DIRAS2: variants seen among roughly 807,000 people sequenced by gnomAD.
DIRAS2 encodes the protein DIRAS family GTPase 2, also known as GTP-binding protein Di-Ras2.
Under a neutral mutation model 13.9 loss-of-function variants are expected in DIRAS2, and 5 were observed. The observed-to-expected ratio is 0.36, with a 90% CI of 0.19 to 0.76. The LOEUF (loss-of-function observed/expected upper bound fraction) is 0.76, where lower values mean the gene tolerates loss of function less well. DIRAS2 is among the 30% of genes least tolerant of loss of function. The pLI is 0.53. For synonymous variants in DIRAS2, 111 were observed against 105.4 expected, an observed-to-expected ratio of 1.05 and a Z score of -0.33; for missense variants, 191 against 263.0, an observed-to-expected ratio of 0.73 and a Z score of 1.89.
At chr9:90,619,142 C>T (rs1825195921) in intron 1 of DIRAS2, among the ~76,000 whole-genome samples, 1 of 151,784 alleles carries the variant, frequency 6.6e-6, no homozygotes, top group Non-Finnish European at 1.5e-5. Flanking sequence ...TGACTCATCT[C>T]AAAAAACAAA....
intron 1 of DIRAS2, among the ~76,000 whole-genome samples, chr9:90,621,741 C>T (rs1564019815): frequency 6.6e-6 from 1 of 152,138 alleles, no homozygotes; most frequent in Admixed American, 6.6e-5. Context: ...TTAAATCAGG[C>T]ACTTATTGTT....
intron 1 of DIRAS2, among the ~76,000 whole-genome samples, chr9:90,631,443 G>A (rs1162584094): frequency 2.0e-5 from 3 of 152,156 alleles, no homozygotes; most frequent in African/African-American, 7.2e-5. Context: ...GATACGGTGG[G>A]ACCTCCATTG....
Position 90,610,149 on chromosome 9 carries a change from A to T in DIRAS2, c.*3079T>A, listed in dbSNP as rs1017501111. The T allele has an allele frequency of 3.2e-6, 1 of 316,266 alleles. No individual in the cohort carries two copies. Among genetic ancestry groups the T allele is most frequent in the Non-Finnish European group, 5.7e-6 (1 of 176,782 alleles). 19.6% of individuals were successfully genotyped at this position (316,266 alleles called of 1,614,324 possible). A position where few individuals can be genotyped will look rare whatever the true frequency, so the allele number is the denominator to read the frequency against. On this transcript the variant is annotated 3_prime_UTR_variant, in exon 2 of 2. Coordinates refer to ENST00000375765, the MANE Select transcript of DIRAS2 (RefSeq NM_017594.5). ...TCCAGAGAACTTATGTAGAAGCAAC[A>T]CATTACAAATTTTGGGGAAAAAAAT... is the stretch of plus-strand genomic sequence containing the variant.
At chr9:90,638,771 G>A (rs548437525) in intron 1 of DIRAS2, among the ~76,000 whole-genome samples, 1 of 152,106 alleles carries the variant, frequency 6.6e-6, no homozygotes, top group African/African-American at 2.4e-5. Flanking sequence ...AGAGAGCTGA[G>A]TGGACTCCAC....
chr9:90,619,186 T>A (rs1825196357), intron 1 of DIRAS2, among the ~76,000 whole-genome samples: 1 of 152,048 alleles, frequency 6.6e-6, no homozygotes, highest in Non-Finnish European at 1.5e-5. Context: ...ATGCCAGTAA[T>A]CCCAGCATAT....
rs1284386822 is a variant in DIRAS2, at chr9:90,612,089, C to G, written c.*1139G>C. ...TGTATTGAACAGCTCTTAGAAGACA[C>G]GTATAATGGAACATGCAAGAGAATT... On this transcript the variant is annotated 3_prime_UTR_variant, in exon 2 of 2. Transcript: ENST00000375765. 2 of 152,742 alleles carry G rather than the reference C, an allele frequency of 1.3e-5. No homozygotes were observed. Among genetic ancestry groups the G allele is most frequent in the East Asian group, 3.9e-4 (2 of 5,188 alleles). The allele number at this position is 152,742 out of a possible 1,614,324, so 9.5% of individuals were successfully genotyped here. A position where few individuals can be genotyped will look rare whatever the true frequency, so the allele number is the denominator to read the frequency against.
intron 1 of DIRAS2, among the ~76,000 whole-genome samples, chr9:90,622,341 A>C (rs1361809585): frequency 6.6e-6 from 1 of 152,208 alleles, no homozygotes; most frequent in Non-Finnish European, 1.5e-5. Flanking sequence ...ACTATTTTTC[A>C]CTGCAGGAGT....
In DIRAS2 at chr9:90,611,970, C is replaced by T. The variant is rs1376680518; in HGVS notation, c.*1258G>A. 6.6e-6 allele frequency: 1 copy of T among 152,196 alleles called. No homozygotes were observed. Among genetic ancestry groups the T allele is most frequent in the South Asian group, 2.1e-4 (1 of 4,828 alleles). 9.4% of individuals were successfully genotyped at this position (152,196 alleles called of 1,614,324 possible). ...CCACCATCCTATCCCCAAGCTAACA[C>T]AGGAAACCTGAAATAGCTGTAATTT... On this transcript the variant is annotated 3_prime_UTR_variant, in exon 2 of 2. Transcript: ENST00000375765.
chr9:90,636,784 T>G (rs953192636), intron 1 of DIRAS2, among the ~76,000 whole-genome samples: 3 of 152,236 alleles, frequency 2.0e-5, no homozygotes, highest in Non-Finnish European at 4.4e-5. Context: ...TACATGGAAG[T>G]ATGGTATACA....
chr9:90,626,855 A>C (rs62556817), intron 1 of DIRAS2, among the ~76,000 whole-genome samples: 7,362 of 152,232 alleles, frequency 0.048, 239 homozygotes, highest in Non-Finnish European at 0.071. Flanking sequence ...AAGCAACCCA[A>C]ATGTCCATAG....
chr9:90,617,757 A>T (rs989348187), intron 1 of DIRAS2, among the ~76,000 whole-genome samples: 2 of 152,242 alleles, frequency 1.3e-5, no homozygotes. Context: ...CATATAAAGA[A>T]CCAACTGTAT....
chr9:90,613,327 G>T lies in DIRAS2; in HGVS notation c.501C>A (p.Asn167Lys), dbSNP rs1489148682. ...NVKELFQELL[N>K]LEKRRTVSLQ... is the part of the protein sequence containing the mutation. Reference sequence around the variant, plus strand: ...GACTCACGGTCCTGCGCTTCTCCAGGTTGAGCAGCTCCTGGAAAAGCTCCT... The same window carrying T: ...GACTCACGGTCCTGCGCTTCTCCAGTTTGAGCAGCTCCTGGAAAAGCTCCT... Residue 167 changes from asparagine to lysine, a missense_variant, in exon 2 of 2, where the codon AAC becomes AAA. By Grantham distance (94) the Asn-to-Lys change is moderately conservative. Transcript: ENST00000375765. This position sits in a 1 kb window ranked among gnomAD's most constrained non-coding sequence, Gnocchi z 5.6. The T allele has an allele frequency of 1.2e-6, 2 of 1,613,998 alleles. No individual in the cohort carries two copies. The highest frequency in any genetic ancestry group is 3.3e-5 in the Admixed American group (2 of 60,000).
At chr9:90,642,513 G>T (rs1825427505) in intron 1 of DIRAS2, among the ~76,000 whole-genome samples, 1 of 152,056 alleles carries the variant, frequency 6.6e-6, no homozygotes, top group South Asian at 2.1e-4. Context: ...CTAATAATAC[G>T]TAAGATACAG....
chr9:90,613,834 G>A lies in DIRAS2; in HGVS notation c.-7C>T, dbSNP rs754075942. ...CGTTACTCTGCTCAGGCATGTTGCT[G>A]GAGAGCTCCAACTCTCAGCCAGGAC... On this transcript the variant is annotated 5_prime_UTR_variant, in exon 2 of 2. Transcript: ENST00000375765. The surrounding 1 kb of genome is among the most constrained non-coding windows in gnomAD (Gnocchi z 5.6). 3.1e-6 allele frequency: 5 copies of A among 1,605,520 alleles called. No individual in the cohort carries two copies. The highest frequency in any genetic ancestry group is 4.5e-5 in the East Asian group (2 of 44,760).
At chr9:90,622,276 T>TA (rs1564019920) in intron 1 of DIRAS2, among the ~76,000 whole-genome samples, 7 of 151,414 alleles carry the variant, frequency 4.6e-5, no homozygotes, top group Admixed American at 1.3e-4. Context: ...ATACATACAT[T>TA]CATACATACA....
chr9:90,641,146 C>T (rs890958445), intron 1 of DIRAS2, among the ~76,000 whole-genome samples: 1 of 152,200 alleles, frequency 6.6e-6, no homozygotes, highest in South Asian at 2.1e-4. Flanking sequence ...CATGAGGAAA[C>T]TGCTTTGCTG....
chr9:90,622,335 T>C (rs887438800), intron 1 of DIRAS2, among the ~76,000 whole-genome samples: 3 of 152,176 alleles, frequency 2.0e-5, no homozygotes, highest in Non-Finnish European at 4.4e-5. Context: ...TCTGTAACTA[T>C]TTTTCACTGC....
chr9:90,640,746 T>C (rs890852744), intron 1 of DIRAS2, among the ~76,000 whole-genome samples: 1 of 152,196 alleles, frequency 6.6e-6, no homozygotes, highest in East Asian at 1.9e-4. Flanking sequence ...CAAACACTTT[T>C]TTTACTTAAA....
intron 1 of DIRAS2, among the ~76,000 whole-genome samples, chr9:90,633,126 C>T (rs1033154671): frequency 2.0e-5 from 3 of 152,074 alleles, no homozygotes; most frequent in Non-Finnish European, 4.4e-5. Flanking sequence ...GCCATGCTGA[C>T]ATCACAGGCG....
Sources: gnomAD v4.1 joint callset for allele counts (sites outside exome capture counted in the v4.1 genomes callset) on GRCh38, gnomAD v4.1.1 for gene constraint, Gnocchi (gnomAD v3.1) non-coding constraint, MANE v1.5 for transcripts, NCBI Gene and HGNC (gene_info 2026-07-23, HGNC 2026-07-21) for gene names.